COL27A1: variants seen among roughly 807,000 people sequenced by gnomAD.
The protein encoded by COL27A1 is collagen type XXVII alpha 1 chain, also known as collagen alpha-1(XXVII) chain.
A neutral mutation model predicts 251.3 loss-of-function variants in COL27A1; 106 were observed. The observed-to-expected ratio is 0.42, with a 90% CI of 0.36 to 0.50. The LOEUF (loss-of-function observed/expected upper bound fraction) is 0.50, where lower values mean the gene tolerates loss of function less well. Among genes scored for constraint, COL27A1 ranks in the 20% least tolerant of loss-of-function variants. The probability of loss-of-function intolerance (pLI) is 0.00; values close to 1 mark genes in which losing one functional copy is unlikely to be tolerated. For synonymous variants in COL27A1, 1,000 were observed against 986.3 expected (o/e 1.01, Z -0.26); for missense variants, 2,325 against 2,522.8 (o/e 0.92, Z 1.68).
Position 114,290,328 on chromosome 9 carries a change from GC to G in COL27A1, c.4366del (p.Gln1456ArgfsTer111). 6.4e-7 allele frequency: 1 copy of G among 1,573,654 alleles called. No homozygotes were observed. The highest frequency in any genetic ancestry group is 1.2e-5 in the South Asian group (1 of 85,790). ...CTGGCAGGGACGGGCAAGCAGGACA[GC>G]AGGTGAGCGGGAATTGGCATTAACA... Reference protein sequence around the residue: ...LPGRDGQAGQQGEQGDDGDPG... With the variant: ...LPGRDGQAGQXGEQGDDGDPG... On this transcript the variant is annotated frameshift_variant and splice_region_variant, in exon 47 of 61. Transcript: ENST00000356083. LOFTEE classifies it high-confidence loss of function. The surrounding 1 kb of genome is among the most constrained non-coding windows in gnomAD (Gnocchi z 4.6).
intron 39 of COL27A1, among the ~76,000 whole-genome samples, 162 bp downstream of exon 39, chr9:114,282,726 G>A (rs966829851): frequency 1.3e-5 from 2 of 152,176 alleles, no homozygotes; most frequent in Admixed American, 6.5e-5. Flanking sequence ...ATCATGAATC[G>A]CTTTGGTAAC....
chr9:114,226,114 G>T (rs372184820), intron 14 of COL27A1, among the ~76,000 whole-genome samples: 1 of 152,120 alleles, frequency 6.6e-6, no homozygotes, highest in Non-Finnish European at 1.5e-5. Context: ...CAACAAAGAC[G>T]ATTTCTGTCC....
In COL27A1 at chr9:114,183,038, A is replaced by ATGGAAATCCAGGTCTCCCCGGCCCTCC; in HGVS notation, c.1984_2010dup (p.Asn662_Gly670dup). The ATGGAAATCCAGGTCTCCCCGGCCCTCC allele has an allele frequency of 6.2e-7, 1 of 1,613,604 alleles. No individual in the cohort carries two copies. Among genetic ancestry groups the ATGGAAATCCAGGTCTCCCCGGCCCTCC allele is most frequent in the Non-Finnish European group, 8.5e-7 (1 of 1,179,936 alleles). ...CTCTTTCAGGGTCCTCCTGGGCCTT[A>ATGGAAATCCAGGTCTCCCCGGCCCTCC]TGGAAATCCAGGTCTCCCCGGCCCT... is the stretch of plus-strand genomic sequence containing the variant. On this transcript the variant is annotated inframe_insertion, in exon 5 of 61. Coordinates refer to ENST00000356083, the MANE Select transcript of COL27A1 (RefSeq NM_032888.4).
intron 28 of COL27A1, among the ~76,000 whole-genome samples, chr9:114,260,433 C>T (rs923603): frequency 0.54 from 81,963 of 151,984 alleles, 22,278 homozygotes; most frequent in East Asian, 0.6. Flanking sequence ...AGGCACCCAC[C>T]GTGCCTGTGA....
Position 114,258,552 on chromosome 9 carries a change from A to G in COL27A1, c.3153A>G (p.Gly1051=), listed in dbSNP as rs1352599738. 1.2e-6 allele frequency: 2 copies of G among 1,613,944 alleles called. No individual in the cohort carries two copies. Among genetic ancestry groups the G allele is most frequent in the Admixed American group, 1.7e-5 (1 of 60,004 alleles). Residue 1051 remains glycine (G), a synonymous_variant, in exon 28 of 61, where the codon GGA becomes GGG. Transcript: ENST00000356083. Reference sequence around the variant, plus strand: ...TCTCCTCTTCCCAGGGTCCTCCAGGATCTCGAGGCCCACCAGGCATGAGGG... The same window carrying G: ...TCTCCTCTTCCCAGGGTCCTCCAGGGTCTCGAGGCCCACCAGGCATGAGGG... ...PGEPGPQGPP[G]SRGPPGMRGA...
intron 37 of COL27A1, among the ~76,000 whole-genome samples, chr9:114,279,355 T>A (rs1212215776): frequency 2.0e-5 from 3 of 152,170 alleles, no homozygotes; most frequent in Non-Finnish European, 1.5e-5. Flanking sequence ...AACATTTATG[T>A]GGAATGAGAA....
intron 7 of COL27A1, among the ~76,000 whole-genome samples, chr9:114,202,113 G>A (rs939614456): frequency 6.6e-6 from 1 of 152,254 alleles, no homozygotes; most frequent in Non-Finnish European, 1.5e-5. Flanking sequence ...CTGCCACTGT[G>A]CATGCCCGTG....
intron 12 of COL27A1, among the ~76,000 whole-genome samples, 160 bp from the exon 13 acceptor site, chr9:114,219,631 G>A (rs555624474): frequency 8.5e-5 from 13 of 152,278 alleles, no homozygotes; most frequent in African/African-American, 2.9e-4. Context: ...GGTGCTTGTC[G>A]ATGGTAGGGG....
intron 48 of COL27A1, among the ~76,000 whole-genome samples, chr9:114,291,157 T>C (rs1827886031): frequency 6.6e-6 from 1 of 151,888 alleles, no homozygotes; most frequent in Admixed American, 6.5e-5. Flanking sequence ...CTTCAACTGG[T>C]TTTTGAGTTG....
At chr9:114,183,182 G>A (rs1757870696) in intron 5 of COL27A1, 107 bp downstream of exon 5, 4 of 1,068,074 alleles carry the variant, frequency 3.7e-6, no homozygotes, top group Non-Finnish European at 5.7e-6. Flanking sequence ...GGAACTGAGG[G>A]GGATTCCCGC....
At chr9:114,210,676 T>G (rs1455372620) in intron 11 of COL27A1, among the ~76,000 whole-genome samples, 2 of 152,060 alleles carry the variant, frequency 1.3e-5, no homozygotes, top group Admixed American at 6.5e-5. Context: ...CCTGAGCCCG[T>G]ATCTATGGGA....
At position 114,168,275 on chromosome 9, in the gene COL27A1, C is replaced by A; in HGVS notation, c.720C>A (p.Asp240Glu). 1.9e-6 allele frequency: 3 copies of A among 1,613,792 alleles called. No homozygotes were observed. Among genetic ancestry groups the A allele is most frequent in the Non-Finnish European group, 2.5e-6 (3 of 1,179,994 alleles). The change falls in exon 3 of 61, where the codon GAC (aspartate) becomes GAA (glutamate). Residue 240 changes from aspartate to glutamate, a missense_variant. Physicochemically the swap from Asp to Glu is conservative, Grantham distance 45. Coordinates refer to ENST00000356083, the MANE Select transcript of COL27A1 (RefSeq NM_032888.4). ...THLRKQCGQADTYQSPLGPLF... is the reference protein window; with the variant it reads ...THLRKQCGQAETYQSPLGPLF... ...TGAGGAAGCAGTGTGGACAGGCTGA[C>A]ACGTACCAGTCCCCACTGGGACCTC...
chr9:114,182,670 T>C (rs1828024362), intron 4 of COL27A1, among the ~76,000 whole-genome samples: 1 of 152,202 alleles, frequency 6.6e-6, no homozygotes, highest in African/African-American at 2.4e-5. Flanking sequence ...GAAGGACTTG[T>C]GCTCCGAGGT....
rs1236480681 is a variant in COL27A1, at chr9:114,190,317, G to T, written c.2017-4087G>T. On this transcript the variant is annotated intron_variant, in intron 5 of 60. Coordinates refer to ENST00000356083, the MANE Select transcript of COL27A1 (RefSeq NM_032888.4). ...GACAGGGTCTTGGTCTGTCATCCAGGCTGGAGTGCAGTGGTGCTATCATAG... is the reference window on the plus strand; with the variant it reads ...GACAGGGTCTTGGTCTGTCATCCAGTCTGGAGTGCAGTGGTGCTATCATAG... Among the ~76,000 whole-genome samples, 6 of 152,154 alleles carry T rather than the reference G, an allele frequency of 3.9e-5. No individual in the cohort carries two copies. The East Asian group carries it at 9.6e-4, about 24-fold the overall frequency.
intron 49 of COL27A1, among the ~76,000 whole-genome samples, chr9:114,294,105 A>G (rs2636875): frequency 0.5 from 74,640 of 150,700 alleles, 18,842 homozygotes; most frequent in East Asian, 0.66. Flanking sequence ...AAAATTAGCC[A>G]GGCGTGGTGG....
At chr9:114,255,194 G>A (rs571659794) in intron 27 of COL27A1, among the ~76,000 whole-genome samples, 1 of 152,316 alleles carries the variant, frequency 6.6e-6, no homozygotes, top group Admixed American at 6.5e-5. Context: ...CAGTGTGGAA[G>A]TAGGACTGTT....
chr9:114,267,710 C>A (rs539196673), intron 34 of COL27A1, among the ~76,000 whole-genome samples, 153 bp downstream of exon 34: 2 of 152,200 alleles, frequency 1.3e-5, no homozygotes, highest in East Asian at 3.9e-4. Context: ...CTGGTTAGGG[C>A]CAGAGTGGAA....
upstream of COL27A1, among the ~76,000 whole-genome samples, chr9:114,154,159 C>G (rs1486446959): frequency 6.6e-6 from 1 of 152,022 alleles, no homozygotes; most frequent in Non-Finnish European, 1.5e-5. The surrounding 1 kb of genome is among the most constrained non-coding windows in gnomAD (Gnocchi z 5.8). Flanking sequence ...GCAGAGCTGC[C>G]GAAGTTCGAG....
chr9:114,224,651 T>TTC (rs1390519248), intron 14 of COL27A1, among the ~76,000 whole-genome samples: 2 of 141,532 alleles, frequency 1.4e-5, no homozygotes, highest in African/African-American at 5.3e-5. Flanking sequence ...CCTGGTTCTT[T>TTC]TTTTTTTTTT....
Sources: gnomAD v4.1 joint callset for allele counts (sites outside exome capture counted in the v4.1 genomes callset) on GRCh38, gnomAD v4.1.1 for gene constraint, Gnocchi (gnomAD v3.1) non-coding constraint, MANE v1.5 for transcripts, NCBI Gene and HGNC (gene_info 2026-07-23, HGNC 2026-07-21) for gene names.